CCDC91: variants seen among roughly 807,000 people sequenced by gnomAD.
CCDC91 encodes the protein coiled-coil domain-containing protein 91.
In CCDC91, 48 loss-of-function variants were observed where a neutral mutation model predicts 63.2. The ratio of observed to expected loss-of-function variants is 0.76; its 90% CI spans 0.60 to 0.97. The LOEUF (loss-of-function observed/expected upper bound fraction) is 0.97, where lower values mean the gene tolerates loss of function less well. CCDC91 is among the 50% of genes least tolerant of loss of function. The pLI, the probability that CCDC91 is intolerant of heterozygous loss-of-function variation, is 0.00. For missense variants in CCDC91, 500 were observed against 494.6 expected, an observed-to-expected ratio of 1.01 and a Z score of -0.10; for synonymous variants, 167 against 165.8, an observed-to-expected ratio of 1.01 and a Z score of -0.06.
chr12:28,262,042 G>T (rs1213628805), intron 3 of CCDC91, among the ~76,000 whole-genome samples: 1 of 152,002 alleles, frequency 6.6e-6, no homozygotes, highest in African/African-American at 2.4e-5. Context: ...CCTCTGACTG[G>T]AGAAGTCTGC....
chr12:28,290,656 T>C (rs1354736029), intron 3 of CCDC91, among the ~76,000 whole-genome samples: 1 of 152,252 alleles, frequency 6.6e-6, no homozygotes, highest in African/African-American at 2.4e-5. Context: ...AATAAAGCTT[T>C]CATCAATGCA....
intron 3 of CCDC91, among the ~76,000 whole-genome samples, chr12:28,297,815 A>G (rs1949646908): frequency 6.6e-6 from 1 of 151,846 alleles, no homozygotes. Flanking sequence ...GTGAGAAGAT[A>G]TTTATATTTT....
chr12:28,516,644 C>T (rs147138608), intron 12 of CCDC91, among the ~76,000 whole-genome samples: 80 of 151,938 alleles, frequency 5.3e-4, no homozygotes, highest in Middle Eastern at 6.8e-3. Context: ...TTCTCACAGT[C>T]TCACAGTTCT....
chr12:28,536,681 A>G (rs961643657), intron 12 of CCDC91, among the ~76,000 whole-genome samples: 3 of 152,178 alleles, frequency 2.0e-5, no homozygotes, highest in Non-Finnish European at 2.9e-5. Context: ...AATTGCTTAG[A>G]ACACTGCTTG....
chr12:28,374,866 T>C (rs140419020), intron 7 of CCDC91, among the ~76,000 whole-genome samples: 181 of 152,254 alleles, frequency 1.2e-3, no homozygotes, highest in Middle Eastern at 3.4e-3. Context: ...ACCCAATCCA[T>C]GTTTAAACCA....
At chr12:28,258,129 T>C (rs1333574204) in intron 2 of CCDC91, among the ~76,000 whole-genome samples, 2 of 151,972 alleles carry the variant, frequency 1.3e-5, no homozygotes, top group Non-Finnish European at 2.9e-5. Flanking sequence ...TTAAAATCAG[T>C]CAATATGGAG....
chr12:28,364,215 G>A (rs1459362857), intron 7 of CCDC91, among the ~76,000 whole-genome samples: 8 of 151,970 alleles, frequency 5.3e-5, no homozygotes, highest in African/African-American at 1.9e-4. Flanking sequence ...GTGAAAACCC[G>A]TTTCTACTAA....
intron 11 of CCDC91, among the ~76,000 whole-genome samples, chr12:28,458,808 A>G (rs781114391): frequency 4.6e-5 from 7 of 152,034 alleles, no homozygotes; most frequent in Non-Finnish European, 1.0e-4. Context: ...CAAACCTGTT[A>G]TCTTTGTCTC....
chr12:28,360,900 A>T (rs541250616), intron 6 of CCDC91, among the ~76,000 whole-genome samples: 1 of 151,688 alleles, frequency 6.6e-6, no homozygotes, highest in African/African-American at 2.4e-5. Flanking sequence ...TTTTTTGTGT[A>T]TGTGTTTGTT....
At chr12:28,431,801 C>G (rs1948641108) in intron 8 of CCDC91, among the ~76,000 whole-genome samples, 1 of 151,876 alleles carries the variant, frequency 6.6e-6, no homozygotes, top group South Asian at 2.1e-4. Flanking sequence ...TCTAAGAGTT[C>G]TGACAAATGT....
intron 4 of CCDC91, 69 bp downstream of exon 4, chr12:28,305,875 T>C: frequency 7.6e-7 from 1 of 1,322,836 alleles, no homozygotes; most frequent in Non-Finnish European, 1.0e-6. Flanking sequence ...TAATTGTTGC[T>C]TTTTTAATTT....
At chr12:28,502,316 T>C (rs1028824823) in intron 12 of CCDC91, among the ~76,000 whole-genome samples, 13 of 152,006 alleles carry the variant, frequency 8.6e-5, no homozygotes, top group African/African-American at 2.6e-4. Context: ...AAATCATGAG[T>C]GAACTCCCAT....
chr12:28,265,265 A>G (rs1253464960), intron 3 of CCDC91, among the ~76,000 whole-genome samples: 1 of 152,056 alleles, frequency 6.6e-6, no homozygotes, highest in Non-Finnish European at 1.5e-5. Flanking sequence ...TGCATTGACC[A>G]TCAAAGGGAA....
chr12:28,504,034 A>G (rs1357795205), intron 12 of CCDC91, among the ~76,000 whole-genome samples: 1 of 152,090 alleles, frequency 6.6e-6, no homozygotes, highest in Non-Finnish European at 1.5e-5. Context: ...ATGTATACAT[A>G]TGTAACTAAC....
At chr12:28,509,070 A>G (rs1243479459) in intron 12 of CCDC91, among the ~76,000 whole-genome samples, 5 of 151,750 alleles carry the variant, frequency 3.3e-5, no homozygotes, top group African/African-American at 9.7e-5. Context: ...TGGCATTTCT[A>G]TTTCACGTAA....
chr12:28,296,985 A>G (rs754919910), intron 3 of CCDC91, among the ~76,000 whole-genome samples: 1 of 151,884 alleles, frequency 6.6e-6, no homozygotes, highest in Non-Finnish European at 1.5e-5. Flanking sequence ...ATGAAAGCAG[A>G]TAGTCACCAG....
At chr12:28,355,016 CTCT>C (rs1241517170) in intron 6 of CCDC91, among the ~76,000 whole-genome samples, 5 of 151,742 alleles carry the variant, frequency 3.3e-5, no homozygotes, top group African/African-American at 9.7e-5. Context: ...TTTTTTCCTC[CTCT>C]TTTATCCCTC....
chr12:28,331,658 A>T (rs770680298), intron 6 of CCDC91, among the ~76,000 whole-genome samples: 1 of 152,182 alleles, frequency 6.6e-6, no homozygotes. Flanking sequence ...TTGTGCAGTT[A>T]TATTAGCCCT....
intron 11 of CCDC91, among the ~76,000 whole-genome samples, chr12:28,456,563 A>G (rs1282150804): frequency 2.0e-5 from 3 of 152,170 alleles, no homozygotes; most frequent in Admixed American, 2.0e-4. Context: ...GATAGCGCTT[A>G]TATTTGACAA....
Sources: allele counts gnomAD v4.1 joint callset (sites outside exome capture counted in the v4.1 genomes callset), GRCh38; gene constraint gnomAD v4.1.1; transcripts MANE v1.5; gene names NCBI Gene and HGNC (gene_info 2026-07-23, HGNC 2026-07-21).